RELN: variants seen among roughly 807,000 people sequenced by gnomAD.
RELN encodes the protein reelin.
In RELN, 108 loss-of-function variants were observed where a neutral mutation model predicts 427.6. The ratio of observed to expected loss-of-function variants is 0.25; its 90% confidence interval spans 0.22 to 0.30. The LOEUF is 0.30. RELN is among the 10% of genes least tolerant of loss of function. The probability of loss-of-function intolerance (pLI) is 1.00; values close to 1 mark genes in which losing one functional copy is unlikely to be tolerated. For missense variants in RELN, 3,715 were observed against 4,302.8 expected (o/e 0.86, Z 3.82); for synonymous variants, 1,524 against 1,513.4 (o/e 1.01, Z -0.16).
rs779142703 is a variant in RELN at position 103,551,212 on chromosome 7, G to A, written c.6157C>T (p.Leu2053Phe). The A allele has an allele frequency of 6.2e-6, 10 of 1,614,118 alleles. No individual in the cohort carries two copies. The South Asian group carries it at 8.8e-5, about 14-fold the overall frequency. The change falls in exon 41 of 65, where the codon CTT (leucine) becomes TTT (phenylalanine). Residue 2053 changes from leucine to phenylalanine, a missense_variant. By Grantham distance (22) the Leu-to-Phe change is conservative. This residue lies in a region of RELN where 1,310 missense variants were observed against 1,643.0 expected (regional missense o/e 0.80). Transcript: ENST00000428762. The part of the protein sequence containing the change: ...FSRDFGATWH[L>F]LLPLCYHSSS... ...CTGTGGTAGCAGAGGGGCAGCAGAA[G>A]GTGCCAGGTCGCCCCGAAGTCCCTT...
chr7:103,544,977 T>G, intron 42 of RELN, 147 bp downstream of exon 42: 1 of 717,506 alleles, frequency 1.4e-6, no homozygotes, highest in Non-Finnish European at 2.4e-6. Flanking sequence ...CCCTATAAAT[T>G]CAGAACTAAA....
intron 63 of RELN, 77 bp downstream of exon 63, chr7:103,482,796 A>C: frequency 6.2e-7 from 1 of 1,610,022 alleles, no homozygotes; most frequent in Middle Eastern, 1.7e-4. Flanking sequence ...ATCTTACTGA[A>C]TTAAGGGTCA....
chr7:103,615,991 A>C (rs1424440422), intron 20 of RELN, among the ~76,000 whole-genome samples: 1 of 152,204 alleles, frequency 6.6e-6, no homozygotes, highest in African/African-American at 2.4e-5. Context: ...TACTTGAGCC[A>C]CAAAGTTCCT....
Position 103,483,661 on chromosome 7 carries a change from A to G in RELN, c.10173T>C (p.Asn3391=), listed in dbSNP as rs1261008609. 6.2e-7 allele frequency: 1 copy of G among 1,614,092 alleles called. No individual in the cohort carries two copies. The highest frequency in any genetic ancestry group is 2.2e-5 in the East Asian group (1 of 44,868). ...DFTQAQRVSY[N]VPLEARMKGV... ...CCATTTGGGCCACTTACAGGGGGAC[A>G]TTGTAAGACACTCTCTGAGCTTGTG... The change falls in exon 62 of 65, where the codon AAT becomes AAC. Residue 3391 remains asparagine, a synonymous_variant. Coordinates refer to ENST00000428762, the MANE Select transcript of RELN (RefSeq NM_005045.4).
chr7:103,838,891 A>G (rs1161292561), intron 2 of RELN, among the ~76,000 whole-genome samples: 1 of 152,212 alleles, frequency 6.6e-6, no homozygotes, highest in African/African-American at 2.4e-5. Context: ...CCATAGAACA[A>G]TATTCTTGCA....
intron 3 of RELN, among the ~76,000 whole-genome samples, chr7:103,791,249 T>C (rs540024421): frequency 3.9e-5 from 6 of 152,310 alleles, no homozygotes; most frequent in Admixed American, 1.3e-4. Context: ...CAGAAATTGA[T>C]AGCTAATTCT....
chr7:103,720,367 A>G (rs1022231052), intron 8 of RELN, among the ~76,000 whole-genome samples: 1 of 152,106 alleles, frequency 6.6e-6, no homozygotes, highest in Non-Finnish European at 1.5e-5. Context: ...TGAAAGTATC[A>G]ACACAATAAT....
chr7:103,701,005 C>A lies in RELN; in HGVS notation c.807G>T (p.Gly269=), dbSNP rs374420536. 9.8e-5 allele frequency: 155 copies of A among 1,578,376 alleles called. No homozygotes were observed. Among genetic ancestry groups the A allele is most frequent in the Non-Finnish European group, 1.3e-4 (146 of 1,147,704 alleles). Residue 269 remains glycine (G), a splice_region_variant and synonymous_variant, in exon 9 of 65, where the codon GGG becomes GGT. Coordinates refer to ENST00000428762, the MANE Select transcript of RELN (RefSeq NM_005045.4). ...AATAACTAAAGCGACATGAACCTGA[C>A]CCTGTAAATAGCAATAACAATAAAT... ...TTASVLQFSI[G]SGSCRFSYSD...
chr7:103,573,544 C>T lies in RELN; in HGVS notation c.4511+548G>A, dbSNP rs1258454828. On this transcript the variant is annotated intron_variant, in intron 30 of 64. Coordinates refer to ENST00000428762, the MANE Select transcript of RELN (RefSeq NM_005045.4). The surrounding 1 kb of genome is among the most constrained non-coding windows in gnomAD (Gnocchi z 4.4). ...TTTAAACATTTTCTCTATTTCCTTTCTTCCACTTCTCAAATAATTTAATTG... is the reference window on the plus strand; with the variant it reads ...TTTAAACATTTTCTCTATTTCCTTTTTTCCACTTCTCAAATAATTTAATTG... 5.9e-5 allele frequency among the ~76,000 whole-genome samples: 9 copies of T among 152,204 alleles called. No homozygotes were observed. The highest frequency in any genetic ancestry group is 2.1e-4 in the South Asian group (1 of 4,836).
At chr7:103,521,874 G>T in intron 48 of RELN, 148 bp downstream of exon 48, 1 of 735,304 alleles carries the variant, frequency 1.4e-6, no homozygotes, top group Non-Finnish European at 2.4e-6. Context: ...ATAAAGATTT[G>T]TATAAAGTTG....
At chr7:103,714,812 G>C (rs1297986989) in intron 8 of RELN, among the ~76,000 whole-genome samples, 2 of 152,182 alleles carry the variant, frequency 1.3e-5, no homozygotes, top group Non-Finnish European at 2.9e-5. Flanking sequence ...AATTGTGACT[G>C]AAAGGAGCCC....
At chr7:103,960,426 A>C (rs554987719) in intron 1 of RELN, among the ~76,000 whole-genome samples, 1 of 152,272 alleles carries the variant, frequency 6.6e-6, no homozygotes, top group South Asian at 2.1e-4. Context: ...CCAACTCCCT[A>C]TCTCTGACAT....
At chr7:103,510,808 C>A in intron 51 of RELN, 43 bp downstream of exon 51, 1 of 1,481,812 alleles carries the variant, frequency 6.7e-7, no homozygotes, top group Non-Finnish European at 9.4e-7. Flanking sequence ...TGTTATATTG[C>A]TAATGTATGG....
At position 103,898,044 on chromosome 7, in the gene RELN, T is replaced by C. The variant is rs186282861; in HGVS notation, c.337+19031A>G. ...ATGTCTAACCAATTTATTAACTGAC[T>C]CAATGCTAGTACTGACCATGTCAAA... is the stretch of plus-strand genomic sequence containing the variant. On this transcript the variant is annotated intron_variant, in intron 2 of 64. Coordinates refer to ENST00000428762, the MANE Select transcript of RELN (RefSeq NM_005045.4). Among the ~76,000 whole-genome samples the C allele has an allele frequency of 1.9e-3, 296 of 152,222 alleles. 4 individuals carry two copies. The highest frequency in any genetic ancestry group is 1.3e-3 in the Non-Finnish European group (86 of 67,996).
rs1439930567 is a variant in RELN at position 103,723,210 on chromosome 7, A to G, written c.754-19T>C. ...TGGTAATCTAAAGAAAAAAGAATAC[A>G]TAAAAATAAGACAAGACAGAGAGGA... On this transcript the variant is annotated intron_variant, in intron 7 of 64. Transcript: ENST00000428762. The G allele has an allele frequency of 6.7e-7, 1 of 1,490,962 alleles. No individual in the cohort carries two copies. 92.4% of individuals were successfully genotyped at this position (1,490,962 alleles called of 1,614,324 possible).
chr7:103,630,651 C>T (rs945802701), intron 19 of RELN, among the ~76,000 whole-genome samples: 14 of 152,172 alleles, frequency 9.2e-5, no homozygotes, highest in East Asian at 1.9e-4. Context: ...TACACAGCAG[C>T]GGGAACCATA....
intron 3 of RELN, among the ~76,000 whole-genome samples, chr7:103,794,594 C>T (rs966179366): frequency 2.0e-5 from 3 of 152,128 alleles, no homozygotes; most frequent in Non-Finnish European, 4.4e-5. Context: ...GTAGGATTCT[C>T]CCATGAGCCA....
rs6952273 is a variant in RELN at position 103,640,962 on chromosome 7, T to C, written c.2003-353A>G. Among the ~76,000 whole-genome samples, 419 of 152,314 alleles carry C rather than the reference T, an allele frequency of 2.8e-3. 2 individuals are homozygous for C. The highest frequency in any genetic ancestry group is 9.6e-3 in the African/African-American group (399 of 41,578). Reference sequence around the variant, plus strand: ...AAAAAAAATATTTAAAAAGGACCAATCTGATATATCACAATATGGAGAAGT... The same window carrying C: ...AAAAAAAATATTTAAAAAGGACCAACCTGATATATCACAATATGGAGAAGT... On this transcript the variant is annotated intron_variant, in intron 16 of 64. Coordinates refer to ENST00000428762, the MANE Select transcript of RELN (RefSeq NM_005045.4). This position sits in a 1 kb window ranked among gnomAD's most constrained non-coding sequence, Gnocchi z 4.1.
At chr7:103,885,675 C>T (rs1202779779) in intron 2 of RELN, among the ~76,000 whole-genome samples, 1 of 152,136 alleles carries the variant, frequency 6.6e-6, no homozygotes, top group Non-Finnish European at 1.5e-5. Context: ...CACCATGGCA[C>T]AAGTATGCCT....
Sources: allele counts gnomAD v4.1 joint callset (sites outside exome capture counted in the v4.1 genomes callset), GRCh38; gene constraint gnomAD v4.1.1; regional missense constraint gnomAD v4.1.1; non-coding constraint Gnocchi (gnomAD v3.1); transcripts MANE v1.5; gene names NCBI Gene and HGNC (gene_info 2026-07-23, HGNC 2026-07-21).